KLHL2: variants seen among roughly 807,000 people sequenced by gnomAD.
The protein encoded by KLHL2 is kelch-like protein 2.
In KLHL2, 15 loss-of-function variants were observed where a neutral mutation model predicts 75.8. That is an observed-to-expected ratio of 0.20 (90% CI 0.13 to 0.30). The LOEUF is 0.30. Among genes scored for constraint, KLHL2 ranks in the 10% least tolerant of loss-of-function variants. KLHL2 has a pLI of 1.00. For missense variants in KLHL2, 381 were observed against 741.0 expected (o/e 0.51, Z 5.64); for synonymous variants, 214 against 251.9 (o/e 0.85, Z 1.42).
intron 5 of KLHL2, among the ~76,000 whole-genome samples, chr4:165,274,678 A>G (rs1742942619): frequency 1.3e-5 from 2 of 152,192 alleles, no homozygotes; most frequent in Admixed American, 6.5e-5. Flanking sequence ...TGGACGTAAG[A>G]ACTGCTTCAT....
At chr4:165,277,091 G>A (rs778372772) in intron 5 of KLHL2, among the ~76,000 whole-genome samples, 21 of 152,066 alleles carry the variant, frequency 1.4e-4, no homozygotes, top group Non-Finnish European at 2.5e-4. Flanking sequence ...CATAACCATT[G>A]CCCAAAAATG....
intron 1 of KLHL2, 27 bp from the exon 2 acceptor site, chr4:165,219,907 G>A (rs766295241): frequency 1.9e-5 from 30 of 1,583,656 alleles, no homozygotes; most frequent in Non-Finnish European, 2.5e-5. Context: ...ATCTTTTTCT[G>A]TTTTTGTTCT....
intron 13 of KLHL2, among the ~76,000 whole-genome samples, chr4:165,316,618 A>G (rs1183959350): frequency 6.8e-6 from 1 of 147,312 alleles, no homozygotes; most frequent in Non-Finnish European, 1.5e-5. Context: ...AGCATTTACC[A>G]TTAGACTCAG....
chr4:165,265,032 A>G (rs1742137186), intron 5 of KLHL2, among the ~76,000 whole-genome samples: 1 of 151,678 alleles, frequency 6.6e-6, no homozygotes, highest in Non-Finnish European at 1.5e-5. Context: ...ATCCACACCA[A>G]CATCTATTGT....
chr4:165,246,101 G>C (rs986770245), intron 4 of KLHL2, among the ~76,000 whole-genome samples: 4 of 152,086 alleles, frequency 2.6e-5, no homozygotes, highest in Non-Finnish European at 5.9e-5. Flanking sequence ...ATTCTCTGGG[G>C]AGGAGTCATT....
intron 2 of KLHL2, chr4:165,224,118 G>A (rs1738238083): frequency 4.9e-6 from 1 of 203,900 alleles, no homozygotes; most frequent in Non-Finnish European, 1.0e-5. Context: ...ATTTTGCCAT[G>A]TTGGCTAGGC....
At chr4:165,236,765 T>C (rs1162287344) in intron 3 of KLHL2, among the ~76,000 whole-genome samples, 2 of 152,178 alleles carry the variant, frequency 1.3e-5, no homozygotes, top group Admixed American at 1.3e-4. Context: ...TAAATTAATA[T>C]AAAAATATTC....
chr4:165,247,450 A>G (rs1485917875), intron 4 of KLHL2, among the ~76,000 whole-genome samples: 1 of 152,146 alleles, frequency 6.6e-6, no homozygotes, highest in Non-Finnish European at 1.5e-5. Context: ...TTTGATGGGT[A>G]ATATTTTAAA....
intron 5 of KLHL2, among the ~76,000 whole-genome samples, chr4:165,291,804 C>T (rs1034937711): frequency 6.6e-6 from 1 of 152,038 alleles, no homozygotes; most frequent in Non-Finnish European, 1.5e-5. Flanking sequence ...ATACAGCCTA[C>T]TCACATCCTC....
intron 5 of KLHL2, among the ~76,000 whole-genome samples, chr4:165,266,271 G>A (rs1016301364): frequency 2.6e-5 from 4 of 151,984 alleles, no homozygotes; most frequent in Non-Finnish European, 5.9e-5. Flanking sequence ...TCTGTAAGTT[G>A]CCTCTTCACT....
intron 5 of KLHL2, among the ~76,000 whole-genome samples, chr4:165,280,686 A>G (rs1743595453): frequency 6.6e-6 from 1 of 152,232 alleles, no homozygotes; most frequent in Admixed American, 6.5e-5. Flanking sequence ...ATGCTTCTTA[A>G]AAGAGTTAAT....
intron 13 of KLHL2, among the ~76,000 whole-genome samples, chr4:165,315,076 A>G (rs1020881595): frequency 3.4e-4 from 52 of 152,130 alleles, no homozygotes; most frequent in Admixed American, 3.9e-4. Flanking sequence ...TCAGTTGTAT[A>G]TGGTAATCAG....
At position 165,278,021 on chromosome 4, in the gene KLHL2, A is replaced by G. The variant is rs541461250; in HGVS notation, c.544+14662A>G. ...TGAGATGTACCTTGCTCCGATTAAC[A>G]TTGCCATGCTACTCACTATAAAAAA... On this transcript the variant is annotated intron_variant, in intron 5 of 14. Coordinates refer to ENST00000226725, the MANE Select transcript of KLHL2 (RefSeq NM_007246.4). 17 of 1,477,076 alleles carry G rather than the reference A, an allele frequency of 1.2e-5. No individual in the cohort carries two copies. In the South Asian group the frequency reaches 1.9e-4, roughly 17 times the overall value. The allele number at this position is 1,477,076 out of a possible 1,614,324, so 91.5% of individuals were successfully genotyped here. A position where few individuals can be genotyped will look rare whatever the true frequency, so the allele number is the denominator to read the frequency against.
intron 7 of KLHL2, among the ~76,000 whole-genome samples, chr4:165,298,191 G>A (rs142970669): frequency 6.6e-6 from 1 of 152,270 alleles, no homozygotes; most frequent in Non-Finnish European, 1.5e-5. Context: ...AAGTACTAGA[G>A]CTTATCAAGG....
At chr4:165,214,361 A>G (rs1027455344) in intron 1 of KLHL2, among the ~76,000 whole-genome samples, 13 of 152,194 alleles carry the variant, frequency 8.5e-5, no homozygotes, top group African/African-American at 3.1e-4. Context: ...TTAGTTATTT[A>G]TAAAATATTC....
intron 2 of KLHL2, 151 bp from the exon 3 acceptor site, chr4:165,228,656 C>T (rs1190703214): frequency 1.8e-6 from 1 of 556,682 alleles, no homozygotes; most frequent in Non-Finnish European, 3.3e-6. Context: ...CTATGTACTT[C>T]ATGTTTAGGG....
chr4:165,304,942 A>T (rs77021989), intron 8 of KLHL2, among the ~76,000 whole-genome samples: 1,833 of 152,312 alleles, frequency 0.012, 14 homozygotes, highest in Non-Finnish European at 0.019. Context: ...GATTGAGTTG[A>T]GGGAACTTAT....
At chr4:165,217,052 C>A (rs987507907) in intron 1 of KLHL2, among the ~76,000 whole-genome samples, 2 of 152,278 alleles carry the variant, frequency 1.3e-5, no homozygotes, top group Non-Finnish European at 1.5e-5. Context: ...ACTCCTGACT[C>A]TTAAATCATG....
chr4:165,243,188 A>G (rs1739962967), intron 4 of KLHL2, among the ~76,000 whole-genome samples: 1 of 152,202 alleles, frequency 6.6e-6, no homozygotes, highest in South Asian at 2.1e-4. Context: ...GGAGAATCCT[A>G]AAGGATCTTG....
Sources: gnomAD v4.1 joint callset for allele counts (sites outside exome capture counted in the v4.1 genomes callset) on GRCh38, gnomAD v4.1.1 for gene constraint, MANE v1.5 for transcripts, NCBI Gene and HGNC (gene_info 2026-07-23, HGNC 2026-07-21) for gene names.